The following SH2D4B variants were observed in gnomAD, a reference collection of about 807,000 sequenced individuals.
SH2D4B encodes SH2 domain containing 4B, also known as SH2 domain-containing protein 4B.
A neutral mutation model predicts 61.5 loss-of-function variants in SH2D4B; 45 were observed. That is an observed-to-expected ratio of 0.73 (90% CI 0.58 to 0.94). The LOEUF is 0.94. Ranked by LOEUF, SH2D4B falls within the 40% of genes least tolerant of loss-of-function variation. The pLI, the probability that SH2D4B is intolerant of heterozygous loss-of-function variation, is 0.00. For synonymous variants in SH2D4B, 224 were observed against 220.4 expected (o/e 1.02, Z -0.14); for missense variants, 572 against 574.2 (o/e 1.00, Z 0.04).
At chr10:80,624,497 A>G (rs1389562616) in intron 6 of SH2D4B, among the ~76,000 whole-genome samples, 1 of 152,236 alleles carries the variant, frequency 6.6e-6, no homozygotes, top group East Asian at 1.9e-4. Flanking sequence ...TGCTCTGAAT[A>G]TAGAGGGAGT....
At position 80,588,626 on chromosome 10, in the gene SH2D4B, T is replaced by G; in HGVS notation, c.496-4T>G. On this transcript the variant is annotated splice_region_variant and splice_polypyrimidine_tract_variant and intron_variant, in intron 3 of 7. Transcript: ENST00000646907. ...CGTGTTGTTCTGTTCCCATGACATT[T>G]TAGAGGAAAGAGGAAGAGGAGAGGA... The G allele has an allele frequency of 2.5e-6, 4 of 1,613,566 alleles. No individual in the cohort carries two copies. The highest frequency in any genetic ancestry group is 3.4e-6 in the Non-Finnish European group (4 of 1,179,936).
At chr10:80,603,864 C>A (rs1842484227) in intron 5 of SH2D4B, 69 bp downstream of exon 5, 6 of 1,428,760 alleles carry the variant, frequency 4.2e-6, no homozygotes, top group South Asian at 3.8e-5. Context: ...ACACCGGGGT[C>A]CCCGTCCCGG....
At chr10:80,623,607 G>A (rs139725161) in intron 6 of SH2D4B, among the ~76,000 whole-genome samples, 1 of 152,232 alleles carries the variant, frequency 6.6e-6, no homozygotes, top group East Asian at 1.9e-4. Context: ...TTCTTTAGTT[G>A]CACTGCCTGT....
intron 6 of SH2D4B, among the ~76,000 whole-genome samples, chr10:80,629,751 TATTC>T: frequency 6.6e-6 from 1 of 152,230 alleles, no homozygotes; most frequent in Non-Finnish European, 1.5e-5. Context: ...TGCATTAACT[TATTC>T]ATTCTCAAAC....
intron 1 of SH2D4B, among the ~76,000 whole-genome samples, chr10:80,544,177 C>T (rs556936896): frequency 1.3e-5 from 2 of 152,146 alleles, no homozygotes; most frequent in Non-Finnish European, 2.9e-5. Flanking sequence ...AGGTCTGCAG[C>T]TTCACTCCTG....
Position 80,634,418 on chromosome 10 carries a change from TG to T in SH2D4B, c.1123del (p.Val375TrpfsTer134). ...RLQKGFKHFLVDASGDFYSFL... is the reference protein window; with the variant it reads ...RLQKGFKHFLXDASGDFYSFL... Reference sequence around the variant, plus strand: ...TGCAGAAAGGGTTCAAACACTTTCTTGTGGATGCTTCTGGGGATTTTTACAG... The same window carrying T: ...TGCAGAAAGGGTTCAAACACTTTCTTTGGATGCTTCTGGGGATTTTTACAG... On this transcript the variant is annotated frameshift_variant, in exon 7 of 8. Coordinates refer to ENST00000646907, the MANE Select transcript of SH2D4B (RefSeq NM_001388272.1). LOFTEE classifies it high-confidence loss of function. The T allele has an allele frequency of 6.4e-7, 1 of 1,550,530 alleles. No homozygotes were observed. The highest frequency in any genetic ancestry group is 8.7e-7 in the Non-Finnish European group (1 of 1,146,978).
intron 6 of SH2D4B, among the ~76,000 whole-genome samples, chr10:80,614,164 AC>A (rs1236945957): frequency 6.6e-6 from 1 of 152,122 alleles, no homozygotes; most frequent in African/African-American, 2.4e-5. Context: ...GTAAACAAAT[AC>A]CCGAGGCTGG....
At chr10:80,625,556 G>A (rs1241359546) in intron 6 of SH2D4B, among the ~76,000 whole-genome samples, 1 of 148,840 alleles carries the variant, frequency 6.7e-6, no homozygotes, top group Non-Finnish European at 1.5e-5. Context: ...TTTTGGTTTT[G>A]AATTTTTTTT....
At chr10:80,608,729 G>C (rs1257785807) in intron 5 of SH2D4B, among the ~76,000 whole-genome samples, 1 of 152,018 alleles carries the variant, frequency 6.6e-6, no homozygotes, top group East Asian at 1.9e-4. Context: ...TCCATCCGTA[G>C]TTACCAACGT....
At chr10:80,587,022 G>A (rs569257979) in intron 3 of SH2D4B, among the ~76,000 whole-genome samples, 74 of 151,810 alleles carry the variant, frequency 4.9e-4, no homozygotes, top group African/African-American at 1.7e-3. Context: ...AACATCAGAA[G>A]GAACAAACTC....
At chr10:80,577,121 C>T (rs1243960995) in intron 3 of SH2D4B, among the ~76,000 whole-genome samples, 3 of 152,208 alleles carry the variant, frequency 2.0e-5, no homozygotes, top group Non-Finnish European at 2.9e-5. Flanking sequence ...ACTTTTCCCT[C>T]TCTTGCGATG....
intron 7 of SH2D4B, among the ~76,000 whole-genome samples, chr10:80,636,003 G>C (rs1251760197): frequency 6.6e-6 from 1 of 152,144 alleles, no homozygotes; most frequent in Non-Finnish European, 1.5e-5. Flanking sequence ...CTGTGTCCAA[G>C]TGTTCTCATT....
chr10:80,615,459 A>G lies in SH2D4B; in HGVS notation c.988+5908A>G, dbSNP rs372644601. On this transcript the variant is annotated intron_variant, in intron 6 of 7. Coordinates refer to ENST00000646907, the MANE Select transcript of SH2D4B (RefSeq NM_001388272.1). The stretch of plus-strand genomic sequence containing the variant: ...GAAAAGTGCCCTCTCTGCATTTACA[A>G]TCCCTTACTGTATATTCGGAGAACT... Among the ~76,000 whole-genome samples the G allele has an allele frequency of 3.0e-4, 46 of 152,292 alleles. 2 individuals carry two copies. In the East Asian group the frequency reaches 3.3e-3, roughly 11 times the overall value.
chr10:80,614,829 G>A lies in SH2D4B; in HGVS notation c.988+5278G>A, dbSNP rs1019940279. 2.6e-5 allele frequency among the ~76,000 whole-genome samples: 4 copies of A among 152,376 alleles called. 1 individual carries two copies. Among genetic ancestry groups the A allele is most frequent in the Admixed American group, 2.6e-4 (4 of 15,308 alleles). Reference sequence around the variant, plus strand: ...CTGGCCACAGGGTAGGTGCCTGGGAGTCTGTGGGCTGAGGACTGAGGATGT... The same window carrying A: ...CTGGCCACAGGGTAGGTGCCTGGGAATCTGTGGGCTGAGGACTGAGGATGT... On this transcript the variant is annotated intron_variant, in intron 6 of 7. Transcript: ENST00000646907.
chr10:80,568,682 G>A (rs537920961), intron 1 of SH2D4B, among the ~76,000 whole-genome samples: 13 of 152,216 alleles, frequency 8.5e-5, no homozygotes, highest in South Asian at 2.1e-4. Flanking sequence ...TTGCAATGTC[G>A]GTCCTGGTAT....
chr10:80,643,284 G>A (rs1380401041), intron 7 of SH2D4B, among the ~76,000 whole-genome samples: 2 of 150,706 alleles, frequency 1.3e-5, no homozygotes, highest in Non-Finnish European at 2.9e-5. Flanking sequence ...TCGTTTCATG[G>A]ATGACTTATT....
At chr10:80,551,638 G>A (rs974140706) in intron 1 of SH2D4B, among the ~76,000 whole-genome samples, 1 of 152,138 alleles carries the variant, frequency 6.6e-6, no homozygotes, top group Non-Finnish European at 1.5e-5. Context: ...TCAAATTAAA[G>A]CAATCAGATT....
intron 1 of SH2D4B, among the ~76,000 whole-genome samples, chr10:80,550,549 G>A (rs549122221): frequency 2.6e-5 from 4 of 152,028 alleles, no homozygotes; most frequent in Admixed American, 6.5e-5. Context: ...AGCCCATATC[G>A]CGCCACTGCA....
At chr10:80,597,107 T>TA (rs1353884834) in intron 4 of SH2D4B, among the ~76,000 whole-genome samples, 1 of 152,222 alleles carries the variant, frequency 6.6e-6, no homozygotes, top group Non-Finnish European at 1.5e-5. Flanking sequence ...GCATAGGCTA[T>TA]ACGCAATCCC....
Sources: allele counts gnomAD v4.1 joint callset (sites outside exome capture counted in the v4.1 genomes callset), GRCh38; gene constraint gnomAD v4.1.1; transcripts MANE v1.5; gene names NCBI Gene and HGNC (gene_info 2026-07-23, HGNC 2026-07-21).